Variants in WWOX observed in about 807,000 individuals in gnomAD.
The protein encoded by WWOX is WW domain containing oxidoreductase.
Under a neutral mutation model 46.2 loss-of-function variants are expected in WWOX, and 69 were observed. The observed-to-expected ratio is 1.49, with a 90% CI of 1.23 to 1.82. The LOEUF (loss-of-function observed/expected upper bound fraction) is 1.82. WWOX is among the 40% of genes most tolerant of loss of function. WWOX has a pLI of 0.00. For synonymous variants in WWOX, 359 were observed against 202.6 expected (o/e 1.77, Z -6.56); for missense variants, 919 against 542.6 (o/e 1.69, Z -6.89).
chr16:78,514,877 C>T lies in WWOX; in HGVS notation c.1056+82125C>T, dbSNP rs115733060. Among the ~76,000 whole-genome samples, 716 of 152,210 alleles carry T rather than the reference C, an allele frequency of 4.7e-3. 5 individuals are homozygous for T. Among genetic ancestry groups the T allele is most frequent in the African/African-American group, 0.017 (688 of 41,538 alleles). ...TATTTGAGTGCTGGGAATACAGCCCCATAAAGTGAAGTTTCATATATCAGG... is the reference window on the plus strand; with the variant it reads ...TATTTGAGTGCTGGGAATACAGCCCTATAAAGTGAAGTTTCATATATCAGG... On this transcript the variant is annotated intron_variant, in intron 8 of 8. Coordinates refer to ENST00000566780, the MANE Select transcript of WWOX (RefSeq NM_016373.4).
chr16:78,655,816 G>T (rs1358643246), intron 8 of WWOX, among the ~76,000 whole-genome samples: 7 of 152,200 alleles, frequency 4.6e-5, no homozygotes, highest in Admixed American at 2.6e-4. Context: ...TTATTTAGAA[G>T]TTAGTCTATA....
intron 8 of WWOX, among the ~76,000 whole-genome samples, chr16:78,787,053 C>T (rs541790999): frequency 2.0e-5 from 3 of 152,230 alleles, no homozygotes; most frequent in Admixed American, 6.5e-5. Context: ...GAGGCTGAGG[C>T]AGGAGAATCG....
At chr16:78,677,779 A>G (rs528587833) in intron 8 of WWOX, among the ~76,000 whole-genome samples, 1 of 152,312 alleles carries the variant, frequency 6.6e-6, no homozygotes, top group Non-Finnish European at 1.5e-5. Flanking sequence ...AAAACAGAGG[A>G]AACATGGGAA....
intron 8 of WWOX, among the ~76,000 whole-genome samples, chr16:79,006,490 C>G (rs184333934): frequency 6.6e-6 from 1 of 151,886 alleles, no homozygotes; most frequent in Non-Finnish European, 1.5e-5. Context: ...GCTTTTAGCC[C>G]CTGATCTGAG....
intron 8 of WWOX, among the ~76,000 whole-genome samples, chr16:79,108,319 A>G (rs1198200247): frequency 6.6e-6 from 1 of 152,242 alleles, no homozygotes; most frequent in East Asian, 1.9e-4. Context: ...GTGTATACCC[A>G]GAGCTCTTGT....
intron 8 of WWOX, among the ~76,000 whole-genome samples, chr16:78,858,967 C>G (rs1430571175): frequency 7.4e-6 from 1 of 134,270 alleles, no homozygotes; most frequent in African/African-American, 2.9e-5. Flanking sequence ...GTGTGAGCCA[C>G]CACGGCTGGC....
chr16:78,626,832 A>G (rs2046322075), intron 8 of WWOX, among the ~76,000 whole-genome samples: 1 of 152,130 alleles, frequency 6.6e-6, no homozygotes. Flanking sequence ...ACACTCATGG[A>G]CATTTATTTT....
intron 8 of WWOX, among the ~76,000 whole-genome samples, chr16:78,771,805 A>AAAT (rs1387211364): frequency 6.6e-6 from 1 of 151,560 alleles, no homozygotes; most frequent in African/African-American, 2.4e-5. Flanking sequence ...ATAAATAAAT[A>AAAT]AATAAATAAG....
At chr16:79,106,601 T>C (rs1273277549) in intron 8 of WWOX, 1 of 126,232 alleles carries the variant, frequency 7.9e-6, no homozygotes, top group Non-Finnish European at 1.7e-5. Flanking sequence ...TTTTTTTTTT[T>C]TTTTTTTTTT....
chr16:78,440,496 A>G (rs1163811651), intron 8 of WWOX, among the ~76,000 whole-genome samples: 1 of 152,212 alleles, frequency 6.6e-6, no homozygotes, highest in Non-Finnish European at 1.5e-5. Context: ...AGTGCCTAGA[A>G]TACTGCCTGA....
intron 8 of WWOX, among the ~76,000 whole-genome samples, chr16:78,574,524 G>C (rs2044799882): frequency 6.6e-6 from 1 of 152,124 alleles, no homozygotes; most frequent in Non-Finnish European, 1.5e-5. Flanking sequence ...AGAAGCCCAT[G>C]AATGTCTTAT....
At chr16:78,396,867 T>C (rs933319095) in intron 6 of WWOX, among the ~76,000 whole-genome samples, 2 of 152,198 alleles carry the variant, frequency 1.3e-5, no homozygotes, top group African/African-American at 4.8e-5. Context: ...TGTGTCCTAA[T>C]AAAACTTTAT....
intron 8 of WWOX, among the ~76,000 whole-genome samples, chr16:78,834,881 C>T (rs1597694879): frequency 6.6e-6 from 1 of 152,082 alleles, no homozygotes; most frequent in Non-Finnish European, 1.5e-5. Context: ...ATGATAATGA[C>T]TGTTTGTAAT....
intron 8 of WWOX, among the ~76,000 whole-genome samples, chr16:78,688,273 C>A: frequency 6.6e-6 from 1 of 151,520 alleles, no homozygotes; most frequent in Non-Finnish European, 1.5e-5. Flanking sequence ...TTTCTTGTTG[C>A]ATCGTCTTTA....
At chr16:78,439,990 G>C (rs376667376) in intron 8 of WWOX, among the ~76,000 whole-genome samples, 9 of 152,130 alleles carry the variant, frequency 5.9e-5, no homozygotes, top group Non-Finnish European at 1.2e-4. Context: ...TTGACTTCCC[G>C]TCAGATCCCA....
chr16:78,367,075 G>A (rs1227587024), intron 5 of WWOX, among the ~76,000 whole-genome samples: 1 of 146,290 alleles, frequency 6.8e-6, no homozygotes, highest in Non-Finnish European at 1.5e-5. Context: ...TGCCTCCCAG[G>A]TTTACGCCAT....
intron 8 of WWOX, among the ~76,000 whole-genome samples, chr16:78,711,505 C>T (rs906982468): frequency 1.3e-5 from 2 of 152,150 alleles, no homozygotes; most frequent in Non-Finnish European, 2.9e-5. Context: ...TTAGAGCATA[C>T]AGCTGTTCTA....
intron 8 of WWOX, among the ~76,000 whole-genome samples, chr16:79,079,244 A>C (rs1459347575): frequency 6.6e-6 from 1 of 152,222 alleles, no homozygotes; most frequent in Non-Finnish European, 1.5e-5. Context: ...GAAAGAATGG[A>C]GATAAGACAG....
At chr16:78,210,221 C>T (rs1475097640) in intron 5 of WWOX, among the ~76,000 whole-genome samples, 2 of 152,122 alleles carry the variant, frequency 1.3e-5, no homozygotes, top group African/African-American at 4.8e-5. Flanking sequence ...CATTTTGAGC[C>T]AGGCTGTGGA....
Sources: allele counts gnomAD v4.1 joint callset (sites outside exome capture counted in the v4.1 genomes callset), GRCh38; gene constraint gnomAD v4.1.1; transcripts MANE v1.5; gene names NCBI Gene and HGNC (gene_info 2026-07-23, HGNC 2026-07-21).